Variants in COL13A1 observed in about 807,000 individuals in gnomAD.
COL13A1 encodes the protein collagen type XIII alpha 1 chain.
Under a neutral mutation model 130.9 loss-of-function variants are expected in COL13A1, and 89 were observed. The observed-to-expected ratio is 0.68, with a 90% CI of 0.57 to 0.81. The LOEUF is 0.81. Among genes scored for constraint, COL13A1 ranks in the 30% least tolerant of loss-of-function variants. The pLI is 0.00. For synonymous variants in COL13A1, 402 were observed against 341.6 expected (o/e 1.18, Z -1.95); for missense variants, 879 against 934.6 (o/e 0.94, Z 0.78).
chr10:69,891,925 T>C (rs978391053), intron 10 of COL13A1, among the ~76,000 whole-genome samples: 1 of 152,162 alleles, frequency 6.6e-6, no homozygotes, highest in Non-Finnish European at 1.5e-5. Context: ...CAGTGGAGTC[T>C]TACCCCTCGA....
intron 3 of COL13A1, among the ~76,000 whole-genome samples, chr10:69,869,978 A>G (rs1269839885): frequency 6.6e-6 from 1 of 152,226 alleles, no homozygotes; most frequent in Admixed American, 6.5e-5. Flanking sequence ...GAGGCAGTGT[A>G]ACATAGTGAT....
At chr10:69,917,641 C>T (rs1333831671) in intron 18 of COL13A1, among the ~76,000 whole-genome samples, 1 of 152,002 alleles carries the variant, frequency 6.6e-6, no homozygotes, top group Non-Finnish European at 1.5e-5. Flanking sequence ...CTAAGGGGCA[C>T]TTTGGGCATC....
At chr10:69,859,271 A>C (rs2894305) in intron 2 of COL13A1, among the ~76,000 whole-genome samples, 32,145 of 150,900 alleles carry the variant, frequency 0.21, 1,217 homozygotes, top group East Asian at 0.43. Context: ...AATGGCAAAA[A>C]CCACAATTAC....
At chr10:69,836,183 C>G (rs1431231233) in intron 2 of COL13A1, among the ~76,000 whole-genome samples, 1 of 152,226 alleles carries the variant, frequency 6.6e-6, no homozygotes, top group African/African-American at 2.4e-5. Context: ...CAGAGAAGAG[C>G]CCACAGTCCA....
intron 2 of COL13A1, among the ~76,000 whole-genome samples, chr10:69,833,381 C>G (rs1440054791): frequency 6.6e-6 from 1 of 152,240 alleles, no homozygotes; most frequent in Non-Finnish European, 1.5e-5. Flanking sequence ...TCTGGACTGC[C>G]TACGTGCTCT....
chr10:69,834,712 C>T (rs773444924), intron 2 of COL13A1, among the ~76,000 whole-genome samples: 3 of 152,106 alleles, frequency 2.0e-5, no homozygotes, highest in South Asian at 2.1e-4. Flanking sequence ...CTTTGCCCTC[C>T]GGACAAGGCA....
intron 1 of COL13A1, among the ~76,000 whole-genome samples, chr10:69,808,253 A>T (rs1244369127): frequency 2.0e-5 from 3 of 152,140 alleles, no homozygotes; most frequent in Non-Finnish European, 2.9e-5. Context: ...TTACGGTTTG[A>T]TAACTCCCAG....
chr10:69,886,364 G>T (rs2060594489), intron 7 of COL13A1, among the ~76,000 whole-genome samples: 1 of 152,172 alleles, frequency 6.6e-6, no homozygotes, highest in Admixed American at 6.5e-5. Context: ...ACTTGCTGAG[G>T]GTCACACAGT....
chr10:69,925,963 T>G, intron 26 of COL13A1, 91 bp downstream of exon 26: 1 of 1,099,270 alleles, frequency 9.1e-7, no homozygotes, highest in Non-Finnish European at 1.3e-6. Flanking sequence ...CACAGCCGAG[T>G]AGGGGCCCTG....
chr10:69,925,137 G>A, intron 25 of COL13A1, 130 bp downstream of exon 25: 2 of 909,450 alleles, frequency 2.2e-6, no homozygotes, highest in Non-Finnish European at 3.1e-6. Flanking sequence ...CAAGAGACAG[G>A]TCTGTGCCTT....
chr10:69,956,718 G>A (rs1292984632), intron 39 of COL13A1: 16 of 367,030 alleles, frequency 4.4e-5, no homozygotes, highest in East Asian at 1.4e-4. Flanking sequence ...CTGTTTCTTC[G>A]TGGCACGGAA....
chr10:69,908,673 A>G (rs938924425), intron 17 of COL13A1, among the ~76,000 whole-genome samples: 21 of 152,328 alleles, frequency 1.4e-4, no homozygotes, highest in African/African-American at 4.6e-4. Flanking sequence ...GTCCCAGGAC[A>G]GTGGCAATCC....
intron 1 of COL13A1, among the ~76,000 whole-genome samples, chr10:69,820,180 G>A (rs1226551513): frequency 6.6e-6 from 1 of 152,184 alleles, no homozygotes; most frequent in Non-Finnish European, 1.5e-5. Flanking sequence ...ATCACTGCCT[G>A]TTACACATTT....
At chr10:69,803,153 C>CAAGG in intron 1 of COL13A1, among the ~76,000 whole-genome samples, 1 of 152,208 alleles carries the variant, frequency 6.6e-6, no homozygotes, top group South Asian at 2.1e-4. Context: ...CCTCCCCCTC[C>CAAGG]ACCCCTTAAG....
At chr10:69,872,842 G>T (rs964260723) in intron 4 of COL13A1, among the ~76,000 whole-genome samples, 1 of 152,210 alleles carries the variant, frequency 6.6e-6, no homozygotes, top group Non-Finnish European at 1.5e-5. Flanking sequence ...GAGTCAGGAA[G>T]GTAAAATAGT....
At chr10:69,874,038 T>C (rs1269668930) in intron 4 of COL13A1, among the ~76,000 whole-genome samples, 1 of 152,182 alleles carries the variant, frequency 6.6e-6, no homozygotes, top group Non-Finnish European at 1.5e-5. Flanking sequence ...GAACTGATGC[T>C]CAGAAAGGTT....
At chr10:69,945,552 C>T in intron 36 of COL13A1, 119 bp from the exon 37 acceptor site, 1 of 1,386,628 alleles carries the variant, frequency 7.2e-7, no homozygotes, top group Non-Finnish European at 9.9e-7. Context: ...GCCCTTGCTT[C>T]CCGGAGGGCT....
At chr10:69,907,846 G>T (rs910508104) in intron 17 of COL13A1, among the ~76,000 whole-genome samples, 1 of 152,098 alleles carries the variant, frequency 6.6e-6, no homozygotes, top group Non-Finnish European at 1.5e-5. Context: ...TCCCACTCCC[G>T]CGACAGCAAC....
At chr10:69,848,046 G>A (rs1171386116) in intron 2 of COL13A1, among the ~76,000 whole-genome samples, 2 of 152,198 alleles carry the variant, frequency 1.3e-5, no homozygotes, top group Non-Finnish European at 2.9e-5. Context: ...CCTAGAATGG[G>A]GGTTGTCTGG....
Sources: allele counts gnomAD v4.1 joint callset (sites outside exome capture counted in the v4.1 genomes callset), GRCh38; gene constraint gnomAD v4.1.1; transcripts MANE v1.5; gene names NCBI Gene and HGNC (gene_info 2026-07-23, HGNC 2026-07-21).